SLC6A2: variants seen among roughly 807,000 people sequenced by gnomAD.
SLC6A2 encodes solute carrier family 6 member 2, also known as sodium-dependent noradrenaline transporter.
A neutral mutation model predicts 71.7 loss-of-function variants in SLC6A2; 26 were observed. The observed-to-expected ratio is 0.36, with a 90% CI of 0.27 to 0.50. The LOEUF (loss-of-function observed/expected upper bound fraction) is 0.50, where lower values mean the gene tolerates loss of function less well. Among genes scored for constraint, SLC6A2 ranks in the 20% least tolerant of loss-of-function variants. The pLI, the probability that SLC6A2 is intolerant of heterozygous loss-of-function variation, is 0.96. For synonymous variants in SLC6A2, 363 were observed against 337.9 expected, an observed-to-expected ratio of 1.07 and a Z score of -0.82; for missense variants, 581 against 803.9, an observed-to-expected ratio of 0.72 and a Z score of 3.35.
intron 4 of SLC6A2, among the ~76,000 whole-genome samples, chr16:55,684,495 C>T (rs1674584020): frequency 6.6e-6 from 1 of 152,162 alleles, no homozygotes; most frequent in African/African-American, 2.4e-5. Flanking sequence ...ACCTAGGGCA[C>T]AGGATAAGCC....
intron 4 of SLC6A2, among the ~76,000 whole-genome samples, chr16:55,680,870 A>G (rs929468635): frequency 3.9e-5 from 6 of 152,066 alleles, no homozygotes; most frequent in East Asian, 1.9e-4. Flanking sequence ...TAAGGCCACA[A>G]CAGCTGGCCT....
intron 4 of SLC6A2, 133 bp from the exon 5 acceptor site, chr16:55,685,010 T>G (rs1596990764): frequency 3.5e-6 from 3 of 848,040 alleles, no homozygotes. Flanking sequence ...GTGGCTAGGG[T>G]CCCTGAGTTA....
chr16:55,682,009 C>A (rs1819865), intron 4 of SLC6A2, among the ~76,000 whole-genome samples: 1 of 152,182 alleles, frequency 6.6e-6, no homozygotes. Flanking sequence ...CAGGTTCAAG[C>A]AATTCTCATG....
chr16:55,696,268 C>T lies in SLC6A2; in HGVS notation c.1191C>T (p.Thr397=). 2 of 1,613,798 alleles carry T rather than the reference C, an allele frequency of 1.2e-6. No individual in the cohort carries two copies. Among genetic ancestry groups the T allele is most frequent in the Non-Finnish European group, 1.7e-6 (2 of 1,179,776 alleles). Reference sequence around the variant, plus strand: ...TCCTGTATCCAGAGGCCATTTCTACCCTGTCTGGATCTACATTCTGGGCTG... The same window carrying T: ...TCCTGTATCCAGAGGCCATTTCTACTCTGTCTGGATCTACATTCTGGGCTG... The part of the protein sequence containing the change: ...VFILYPEAIS[T]LSGSTFWAVV... Residue 397 remains threonine (T), a synonymous_variant, in exon 9 of 15, where the codon ACC becomes ACT. Transcript: ENST00000568943.
In SLC6A2 at chr16:55,704,917, C is replaced by T. The variant is rs1331264057; in HGVS notation, c.*2571C>T. ...TACCCAGAAAGCCCTTGGAAGTTCT[C>T]GGGGAGGTGCTTGGAGATCATTTGG... On this transcript the variant is annotated 3_prime_UTR_variant, in exon 15 of 15. Coordinates refer to ENST00000568943, the MANE Select transcript of SLC6A2 (RefSeq NM_001172501.3). 8.5e-6 allele frequency: 2 copies of T among 235,042 alleles called. No individual in the cohort carries two copies. The highest frequency in any genetic ancestry group is 2.3e-5 in the African/African-American group (1 of 44,092). 14.6% of individuals were successfully genotyped at this position (235,042 alleles called of 1,614,324 possible).
At position 55,705,304 on chromosome 16, in the gene SLC6A2, A is replaced by G. The variant is rs771009362; in HGVS notation, c.*2958A>G. On this transcript the variant is annotated 3_prime_UTR_variant, in exon 15 of 15. Coordinates refer to ENST00000568943, the MANE Select transcript of SLC6A2 (RefSeq NM_001172501.3). ...ATCCCTGAAGCTGCCTTAATTCTCA[A>G]AAGGAGTTACCGCTCAGCTGGGAGC... 6.2e-5 allele frequency: 93 copies of G among 1,500,904 alleles called. No homozygotes were observed. Among genetic ancestry groups the G allele is most frequent in the Non-Finnish European group, 7.8e-5 (87 of 1,116,034 alleles). 93.0% of individuals were successfully genotyped at this position (1,500,904 alleles called of 1,614,324 possible).
At position 55,685,127 on chromosome 16, in the gene SLC6A2, C is replaced by T; in HGVS notation, c.645-16C>T. ...GACGACATTTACCCTGGTCCCCTCC[C>T]CTCTCCTCTGGGCAGGCGTGGTGTC... On this transcript the variant is annotated splice_polypyrimidine_tract_variant and intron_variant, in intron 4 of 14. Coordinates refer to ENST00000568943, the MANE Select transcript of SLC6A2 (RefSeq NM_001172501.3). 5.6e-6 allele frequency: 9 copies of T among 1,614,054 alleles called. No homozygotes were observed. Among genetic ancestry groups the T allele is most frequent in the Non-Finnish European group, 6.8e-6 (8 of 1,179,988 alleles).
rs925452594 is a variant in SLC6A2 at position 55,688,566 on chromosome 16, G to A, written c.783+3285G>A. On this transcript the variant is annotated intron_variant, in intron 5 of 14. Coordinates refer to ENST00000568943, the MANE Select transcript of SLC6A2 (RefSeq NM_001172501.3). ...AAGTCAACCTTAGAGTAGGTCCTGGGCAGTGTTTTTCAAACTCTCATGGGT... is the reference window on the plus strand; with the variant it reads ...AAGTCAACCTTAGAGTAGGTCCTGGACAGTGTTTTTCAAACTCTCATGGGT... 2.0e-5 allele frequency among the ~76,000 whole-genome samples: 3 copies of A among 152,170 alleles called. No homozygotes were observed. In the East Asian group the frequency reaches 5.8e-4, roughly 29 times the overall value.
chr16:55,684,692 C>T (rs1965390619), intron 4 of SLC6A2, among the ~76,000 whole-genome samples: 1 of 152,180 alleles, frequency 6.6e-6, no homozygotes, highest in Admixed American at 6.5e-5. Context: ...AGTAGCACCA[C>T]CTCTCCTCAA....
intron 2 of SLC6A2, among the ~76,000 whole-genome samples, chr16:55,657,695 G>A (rs1964497551): frequency 6.6e-6 from 1 of 152,172 alleles, no homozygotes; most frequent in Non-Finnish European, 1.5e-5. Context: ...GCATTGCAGG[G>A]AGGAGTGGGA....
chr16:55,681,560 A>G (rs36018), intron 4 of SLC6A2, among the ~76,000 whole-genome samples: 4,012 of 152,346 alleles, frequency 0.026, 80 homozygotes, highest in Non-Finnish European at 0.037. Context: ...ACATACATCT[A>G]TTTTGAGTGG....
At chr16:55,680,422 A>T (rs533057241) in intron 4 of SLC6A2, among the ~76,000 whole-genome samples, 2 of 152,342 alleles carry the variant, frequency 1.3e-5, no homozygotes, top group Admixed American at 6.5e-5. Context: ...CAAGGAAGCC[A>T]GTCCAAGTCC....
intron 4 of SLC6A2, among the ~76,000 whole-genome samples, chr16:55,676,984 C>T (rs1273944484): frequency 6.6e-6 from 1 of 152,156 alleles, no homozygotes; most frequent in East Asian, 1.9e-4. Context: ...TTCATTGGTC[C>T]GGGTACAACC....
intron 4 of SLC6A2, among the ~76,000 whole-genome samples, chr16:55,679,232 C>CTTT (rs761114218): frequency 3.5e-4 from 50 of 144,756 alleles, no homozygotes; most frequent in South Asian, 6.6e-4. Context: ...TTTTCTTTTT[C>CTTT]TTTTTTTTTT....
intron 6 of SLC6A2, among the ~76,000 whole-genome samples, 156 bp downstream of exon 6, chr16:55,692,208 A>C (rs1408918775): frequency 6.6e-6 from 1 of 152,030 alleles, no homozygotes; most frequent in African/African-American, 2.4e-5. Context: ...TCCCCATCTG[A>C]CCAATGCGGA....
chr16:55,691,212 G>A lies in SLC6A2; in HGVS notation c.784-706G>A, dbSNP rs560414725. Reference sequence around the variant, plus strand: ...GAGGATGGGAAGAGAGAAAAAGAGAGGGGGGGAGGGGAGAGGGGGAGAGAG... The same window carrying A: ...GAGGATGGGAAGAGAGAAAAAGAGAAGGGGGGAGGGGAGAGGGGGAGAGAG... On this transcript the variant is annotated intron_variant, in intron 5 of 14. Coordinates refer to ENST00000568943, the MANE Select transcript of SLC6A2 (RefSeq NM_001172501.3). Among the ~76,000 whole-genome samples, 106 of 128,128 alleles carry A rather than the reference G, an allele frequency of 8.3e-4. 1 individual carries two copies. The highest frequency in any genetic ancestry group is 1.2e-3 in the Non-Finnish European group (74 of 62,350). 84.1% of individuals were successfully genotyped at this position (128,128 alleles called of 152,430 possible). A position where few individuals can be genotyped will look rare whatever the true frequency, so the allele number is the denominator to read the frequency against.
chr16:55,670,421 T>G (rs1964874450), intron 3 of SLC6A2, among the ~76,000 whole-genome samples: 1 of 152,214 alleles, frequency 6.6e-6, no homozygotes, highest in Non-Finnish European at 1.5e-5. Context: ...TTACTTTTTT[T>G]GTTGTTAATT....
At chr16:55,673,174 A>T (rs530648176) in intron 4 of SLC6A2, among the ~76,000 whole-genome samples, 2 of 152,244 alleles carry the variant, frequency 1.3e-5, no homozygotes, top group East Asian at 3.9e-4. Context: ...TGAAATATTG[A>T]TTTGAGTTTG....
chr16:55,705,328 G>T lies in SLC6A2; in HGVS notation c.*2982G>T. 1 of 1,216,780 alleles carries T rather than the reference G, an allele frequency of 8.2e-7. No homozygotes were observed. The highest frequency in any genetic ancestry group is 2.5e-5 in the East Asian group (1 of 39,288). 75.4% of individuals were successfully genotyped at this position (1,216,780 alleles called of 1,614,324 possible). A position where few individuals can be genotyped will look rare whatever the true frequency, so the allele number is the denominator to read the frequency against. ...AAAAGGAGTTACCGCTCAGCTGGGA[G>T]CCAGTTCCTGCTATATGATCTGTTT... On this transcript the variant is annotated 3_prime_UTR_variant, in exon 15 of 15. Transcript: ENST00000568943.
Sources: gnomAD v4.1 joint callset for allele counts (sites outside exome capture counted in the v4.1 genomes callset) on GRCh38, gnomAD v4.1.1 for gene constraint, MANE v1.5 for transcripts, NCBI Gene and HGNC (gene_info 2026-07-23, HGNC 2026-07-21) for gene names.